BRD10: variants seen among roughly 807,000 people sequenced by gnomAD.
BRD10 encodes the protein uncharacterized bromodomain-containing protein 10.
chr9:5,940,118 ATTTC>A, the BRD10 span, among the ~76,000 whole-genome samples: 4 of 140,564 alleles, frequency 2.8e-5, no homozygotes, highest in Admixed American at 7.2e-5. Flanking sequence ...ATTACTTGAA[ATTTC>A]TTTCTTTTTA....
chr9:6,005,726 C>A, the BRD10 span, among the ~76,000 whole-genome samples: 9 of 152,146 alleles, frequency 5.9e-5, no homozygotes, highest in African/African-American at 2.2e-4. Context: ...AAAATAATAA[C>A]GTGAATGGAT....
chr9:5,917,618 G>A, the BRD10 span, among the ~76,000 whole-genome samples: 114 of 152,220 alleles, frequency 7.5e-4, 1 homozygote, highest in Admixed American at 3.5e-3. Context: ...CAGATCACCT[G>A]AGGTGGGCGG....
the BRD10 span, chr9:5,988,619 A>C: frequency 1.8e-6 from 2 of 1,084,266 alleles, no homozygotes; most frequent in Non-Finnish European, 2.7e-6. Flanking sequence ...CCAGCAACTT[A>C]AGAATCCCTT....
chr9:6,004,857 A>C, the BRD10 span, among the ~76,000 whole-genome samples: 1 of 152,236 alleles, frequency 6.6e-6, no homozygotes, highest in African/African-American at 2.4e-5. Context: ...GTAATGACTC[A>C]GATTTTAGGC....
At chr9:5,965,792 A>G in the BRD10 span, among the ~76,000 whole-genome samples, 6 of 152,340 alleles carry the variant, frequency 3.9e-5, no homozygotes, top group African/African-American at 1.4e-4. Context: ...AAGAGTGAGA[A>G]AGTAAAGACT....
At chr9:5,926,077 C>A in the BRD10 span, among the ~76,000 whole-genome samples, 3 of 152,030 alleles carry the variant, frequency 2.0e-5, no homozygotes, top group Non-Finnish European at 2.9e-5. Context: ...GCCACCACAA[C>A]TGGCTAATTT....
chr9:5,937,412 G>A, the BRD10 span, among the ~76,000 whole-genome samples: 1 of 151,734 alleles, frequency 6.6e-6, no homozygotes, highest in African/African-American at 2.4e-5. Flanking sequence ...GCACATGCCT[G>A]TAATCCCAGC....
chr9:6,004,970 T>C, the BRD10 span, among the ~76,000 whole-genome samples: 1 of 152,222 alleles, frequency 6.6e-6, no homozygotes, highest in Non-Finnish European at 1.5e-5. Context: ...TTTAATTAAC[T>C]ATTTGAGGTC....
the BRD10 span, chr9:5,922,510 G>A: frequency 3.7e-6 from 6 of 1,613,648 alleles, no homozygotes; most frequent in African/African-American, 5.4e-5. Flanking sequence ...TTGGTAGTTG[G>A]GTAGAAACAG....
At chr9:5,960,665 T>C in the BRD10 span, among the ~76,000 whole-genome samples, 1 of 152,216 alleles carries the variant, frequency 6.6e-6, no homozygotes, top group Admixed American at 6.5e-5. Context: ...CATAAGCTTT[T>C]TGTAACTGTT....
At chr9:5,944,771 T>C in the BRD10 span, 20 of 534,568 alleles carry the variant, frequency 3.7e-5, no homozygotes, top group East Asian at 5.3e-4. Context: ...TAAATTTTCA[T>C]GTAATCCAGG....
chr9:5,997,554 G>C, the BRD10 span, among the ~76,000 whole-genome samples: 1 of 152,020 alleles, frequency 6.6e-6, no homozygotes, highest in Non-Finnish European at 1.5e-5. Flanking sequence ...GCACACCAGA[G>C]AAAGTTAGAT....
At chr9:5,920,829 G>C in the BRD10 span, 2 of 1,613,998 alleles carry the variant, frequency 1.2e-6, no homozygotes, top group Non-Finnish European at 1.7e-6. Context: ...GTTGAAATCA[G>C]AACAGATGAT....
At chr9:5,919,583 C>CACACACACAA in the BRD10 span, 72 of 1,025,258 alleles carry the variant, frequency 7.0e-5, 1 homozygote, top group South Asian at 1.0e-4. Flanking sequence ...CACACACACA[C>CACACACACAA]AATGTATAGT....
the BRD10 span, chr9:6,007,323 G>C: frequency 6.2e-7 from 1 of 1,613,782 alleles, no homozygotes; most frequent in Admixed American, 1.7e-5. Context: ...CCACGAACTC[G>C]GTGATGCCCC....
chr9:5,962,129 T>C, the BRD10 span, among the ~76,000 whole-genome samples: 1 of 152,146 alleles, frequency 6.6e-6, no homozygotes, highest in Non-Finnish European at 1.5e-5. Context: ...GCTATAAATT[T>C]CCCTCTACAC....
the BRD10 span, among the ~76,000 whole-genome samples, chr9:5,881,010 C>G: frequency 6.6e-6 from 1 of 152,132 alleles, no homozygotes; most frequent in East Asian, 1.9e-4. Context: ...GCCCATTACT[C>G]TTAAAATTAT....
At chr9:5,914,024 A>C in the BRD10 span, 2 of 453,526 alleles carry the variant, frequency 4.4e-6, no homozygotes, top group South Asian at 1.6e-5. Flanking sequence ...ATGCTCAAGA[A>C]AGTTGGATGG....
At chr9:5,986,591 A>C in the BRD10 span, among the ~76,000 whole-genome samples, 1 of 152,220 alleles carries the variant, frequency 6.6e-6, no homozygotes, top group African/African-American at 2.4e-5. Flanking sequence ...AACAGTGTAA[A>C]AGCCTTCCTA....
Sources: allele counts gnomAD v4.1 joint callset (sites outside exome capture counted in the v4.1 genomes callset), GRCh38; gene constraint gnomAD v4.1.1; transcripts MANE v1.5; gene names NCBI Gene and HGNC (gene_info 2026-07-23, HGNC 2026-07-21).